PDGFC: variants seen among roughly 807,000 people sequenced by gnomAD.
PDGFC encodes platelet derived growth factor C.
A neutral mutation model predicts 35.5 loss-of-function variants in PDGFC; 12 were observed. The observed-to-expected ratio is 0.34, with a 90% confidence interval of 0.22 to 0.55. The LOEUF (loss-of-function observed/expected upper bound fraction) is 0.55. PDGFC is among the 20% of genes least tolerant of loss of function. The probability of loss-of-function intolerance (pLI) is 0.91; values close to 1 mark genes in which losing one functional copy is unlikely to be tolerated. For synonymous variants in PDGFC, 159 were observed against 148.8 expected (o/e 1.07, Z -0.50); for missense variants, 322 against 412.4 (o/e 0.78, Z 1.90).
At chr4:156,872,270 G>A (rs1051909979) in intron 1 of PDGFC, among the ~76,000 whole-genome samples, 4 of 152,166 alleles carry the variant, frequency 2.6e-5, no homozygotes, top group Non-Finnish European at 5.9e-5. Flanking sequence ...TGGCAAAGAT[G>A]TGGATTTCTG....
chr4:156,922,023 C>G (rs1253342911), intron 1 of PDGFC, among the ~76,000 whole-genome samples: 1 of 152,102 alleles, frequency 6.6e-6, no homozygotes, highest in Non-Finnish European at 1.5e-5. Flanking sequence ...CCAATCCCAC[C>G]ACTAAGGGAT....
At chr4:156,949,103 A>G (rs1732017906) in intron 1 of PDGFC, among the ~76,000 whole-genome samples, 1 of 151,976 alleles carries the variant, frequency 6.6e-6, no homozygotes, top group Non-Finnish European at 1.5e-5. Flanking sequence ...CTTCAAGAAA[A>G]GAGAGACTAT....
At position 156,833,835 on chromosome 4, in the gene PDGFC, T is replaced by C. The variant is rs1729001442; in HGVS notation, c.314+16386A>G. ...AATAGGGAATAATGATACCTACTCCTTGAAGGACTGCTGTAAAGATTAGAG... is the reference window on the plus strand; with the variant it reads ...AATAGGGAATAATGATACCTACTCCCTGAAGGACTGCTGTAAAGATTAGAG... On this transcript the variant is annotated intron_variant, in intron 2 of 5. Coordinates refer to ENST00000502773, the MANE Select transcript of PDGFC (RefSeq NM_016205.3). 2.0e-5 allele frequency among the ~76,000 whole-genome samples: 3 copies of C among 152,198 alleles called. No homozygotes were observed. In the South Asian group the frequency reaches 6.2e-4, roughly 32 times the overall value.
intron 3 of PDGFC, among the ~76,000 whole-genome samples, chr4:156,787,509 G>C (rs1731161030): frequency 6.6e-6 from 1 of 152,200 alleles, no homozygotes; most frequent in Non-Finnish European, 1.5e-5. Context: ...GTCGTGAGCA[G>C]TTGCTGAGAA....
At chr4:156,898,027 T>C (rs1472294945) in intron 1 of PDGFC, among the ~76,000 whole-genome samples, 1 of 152,174 alleles carries the variant, frequency 6.6e-6, no homozygotes, top group Non-Finnish European at 1.5e-5. Flanking sequence ...GAATGTTGTG[T>C]CCTCCCAACA....
intron 3 of PDGFC, among the ~76,000 whole-genome samples, chr4:156,791,307 G>A (rs928593398): frequency 1.1e-4 from 17 of 152,106 alleles, no homozygotes; most frequent in African/African-American, 3.4e-4. Flanking sequence ...AAGACATTTG[G>A]ATGAATTGCC....
rs977211517 is a variant in PDGFC, at chr4:156,917,561, T to C, written c.118+53225A>G. On this transcript the variant is annotated intron_variant, in intron 1 of 5. Transcript: ENST00000502773. ...CCCACGTGGAACTTATCCTTGGAAC[T>C]GAACAGTGACTGAGGCACTCATTTT... is the stretch of plus-strand genomic sequence containing the variant. 3.9e-5 allele frequency among the ~76,000 whole-genome samples: 6 copies of C among 152,226 alleles called. No homozygotes were observed. The South Asian group carries it at 8.3e-4, about 21-fold the overall frequency.
intron 3 of PDGFC, among the ~76,000 whole-genome samples, chr4:156,797,147 A>G (rs1438669723): frequency 6.6e-6 from 1 of 151,752 alleles, no homozygotes; most frequent in Non-Finnish European, 1.5e-5. Context: ...CTGAGGCAGG[A>G]GAATGGCATG....
intron 1 of PDGFC, among the ~76,000 whole-genome samples, chr4:156,938,091 C>T (rs560467133): frequency 4.6e-5 from 7 of 151,930 alleles, no homozygotes; most frequent in East Asian, 1.9e-4. Context: ...AGATTTCTTA[C>T]GAAAGGACAA....
At chr4:156,781,601 G>A (rs1379470254) in intron 3 of PDGFC, among the ~76,000 whole-genome samples, 1 of 151,962 alleles carries the variant, frequency 6.6e-6, no homozygotes, top group Non-Finnish European at 1.5e-5. Context: ...TCCCTCCCAG[G>A]TACATTTTAT....
intron 3 of PDGFC, among the ~76,000 whole-genome samples, chr4:156,795,477 C>T (rs1421719779): frequency 6.6e-6 from 1 of 151,720 alleles, no homozygotes; most frequent in Non-Finnish European, 1.5e-5. Flanking sequence ...GTTGGCAAAT[C>T]CCTGTTTAAA....
At chr4:156,952,006 A>G (rs1425372556) in intron 1 of PDGFC, among the ~76,000 whole-genome samples, 2 of 151,906 alleles carry the variant, frequency 1.3e-5, no homozygotes, top group African/African-American at 4.8e-5. Context: ...CATTAGTCAT[A>G]TTAGCTTATT....
At chr4:156,788,733 C>A (rs1731196728) in intron 3 of PDGFC, among the ~76,000 whole-genome samples, 1 of 152,168 alleles carries the variant, frequency 6.6e-6, no homozygotes, top group African/African-American at 2.4e-5. Flanking sequence ...GCTCATGCAA[C>A]AAATACAATG....
chr4:156,826,736 G>T (rs182205189), intron 2 of PDGFC, among the ~76,000 whole-genome samples: 40 of 152,156 alleles, frequency 2.6e-4, no homozygotes, highest in African/African-American at 9.2e-4. Context: ...ATTTGAAAAG[G>T]ATTAAAGGCC....
chr4:156,875,327 C>A (rs1274134860), intron 1 of PDGFC, among the ~76,000 whole-genome samples: 1 of 151,890 alleles, frequency 6.6e-6, no homozygotes, highest in Non-Finnish European at 1.5e-5. Context: ...TAAAAGACAC[C>A]CTGACTTCAT....
intron 2 of PDGFC, among the ~76,000 whole-genome samples, chr4:156,848,786 T>G (rs186595507): frequency 2.0e-3 from 302 of 152,076 alleles, no homozygotes; most frequent in African/African-American, 6.8e-3. Context: ...ATGATTATAT[T>G]TGCAGTGACA....
chr4:156,824,948 C>T (rs1276662292), intron 2 of PDGFC, among the ~76,000 whole-genome samples: 4 of 152,130 alleles, frequency 2.6e-5, no homozygotes, highest in Non-Finnish European at 5.9e-5. Flanking sequence ...ACTATTAAAT[C>T]AGTCATAATT....
At position 156,760,832 on chromosome 4, in the gene PDGFC, T is replaced by C. The variant is rs1437396898; in HGVS notation, c.*2258A>G. Reference sequence around the variant, plus strand: ...TATTTCGTTCAAAGATGGGAAACAATGGATTAAACACAGTTAAACAGGCTA... The same window carrying C: ...TATTTCGTTCAAAGATGGGAAACAACGGATTAAACACAGTTAAACAGGCTA... On this transcript the variant is annotated 3_prime_UTR_variant, in exon 6 of 6. Transcript: ENST00000502773. 1 of 152,140 alleles carries C rather than the reference T, an allele frequency of 6.6e-6. No individual in the cohort carries two copies. Among genetic ancestry groups the C allele is most frequent in the Non-Finnish European group, 1.5e-5 (1 of 68,036 alleles). The allele number at this position is 152,140 out of a possible 1,614,324, so 9.4% of individuals were successfully genotyped here.
rs78633660 is a variant in PDGFC, at chr4:156,878,969, A to T, written c.119-28553T>A. On this transcript the variant is annotated intron_variant, in intron 1 of 5. Transcript: ENST00000502773. ...ACTTTATAGGTCCTAAATAATGGAA[A>T]CATGTTTGACTTTAAATCTTCTCAA... is the stretch of plus-strand genomic sequence containing the variant. 4.9e-4 allele frequency among the ~76,000 whole-genome samples: 74 copies of T among 152,326 alleles called. No individual in the cohort carries two copies. The East Asian group carries it at 0.01, about 21-fold the overall frequency.
Sources: gnomAD v4.1 joint callset for allele counts (sites outside exome capture counted in the v4.1 genomes callset) on GRCh38, gnomAD v4.1.1 for gene constraint, MANE v1.5 for transcripts, NCBI Gene and HGNC (gene_info 2026-07-23, HGNC 2026-07-21) for gene names.